Variants in RAB22A observed in about 807,000 individuals in gnomAD.
The protein encoded by RAB22A is RAB22A, member RAS oncogene family, also known as ras-related protein Rab-22A.
A neutral mutation model predicts 30.2 loss-of-function variants in RAB22A; 13 were observed. That is an observed-to-expected ratio of 0.43 (90% CI 0.28 to 0.68). RAB22A has a LOEUF of 0.68. Ranked by LOEUF, RAB22A falls within the 30% of genes least tolerant of loss-of-function variation. RAB22A has a pLI of 0.18. For missense variants in RAB22A, 177 were observed against 246.8 expected (o/e 0.72, Z 1.89); for synonymous variants, 89 against 87.2 (o/e 1.02, Z -0.11).
chr20:58,359,004 G>A (rs77313353), intron 6 of RAB22A, among the ~76,000 whole-genome samples: 2,442 of 152,136 alleles, frequency 0.016, 27 homozygotes, highest in Non-Finnish European at 0.02. Context: ...CATATGGTTT[G>A]CTTTATTTCT....
At chr20:58,320,230 C>A (rs1986425859) in intron 2 of RAB22A, among the ~76,000 whole-genome samples, 1 of 152,146 alleles carries the variant, frequency 6.6e-6, no homozygotes, top group Non-Finnish European at 1.5e-5. Context: ...AGGGAGTTTT[C>A]TTTGTCTGAA....
chr20:58,357,523 T>C lies in RAB22A; in HGVS notation c.488-2083T>C, dbSNP rs147022666. On this transcript the variant is annotated intron_variant, in intron 6 of 6. Coordinates refer to ENST00000244040, the MANE Select transcript of RAB22A (RefSeq NM_020673.3). ...CTGCATTAGGTTTTTGGTTGCTGTTTTAGAAATCATTACCTGTTCCCAGCT... is the reference window on the plus strand; with the variant it reads ...CTGCATTAGGTTTTTGGTTGCTGTTCTAGAAATCATTACCTGTTCCCAGCT... Among the ~76,000 whole-genome samples, 5 of 152,364 alleles carry C rather than the reference T, an allele frequency of 3.3e-5. No homozygotes were observed. In the East Asian group the frequency reaches 9.6e-4, roughly 29 times the overall value.
intron 2 of RAB22A, among the ~76,000 whole-genome samples, chr20:58,334,555 A>G (rs1986713108): frequency 6.6e-6 from 1 of 151,154 alleles, no homozygotes; most frequent in African/African-American, 2.4e-5. Flanking sequence ...TGGGATAGGG[A>G]CAGTAGTTAA....
rs1202762974 is a variant in RAB22A, at chr20:58,366,039, A to G, written c.*6336A>G. On this transcript the variant is annotated 3_prime_UTR_variant, in exon 7 of 7. Coordinates refer to ENST00000244040, the MANE Select transcript of RAB22A (RefSeq NM_020673.3). ...TTTTTTTTTAACTCTCATGCAGTTC[A>G]GTCTTTCCATCATTTCACTTTGTGA... The G allele has an allele frequency of 2.0e-5, 3 of 152,130 alleles. No individual in the cohort carries two copies. Among genetic ancestry groups the G allele is most frequent in the Non-Finnish European group, 4.4e-5 (3 of 68,028 alleles). 9.4% of individuals were successfully genotyped at this position (152,130 alleles called of 1,614,324 possible). A position where few individuals can be genotyped will look rare whatever the true frequency, so the allele number is the denominator to read the frequency against.
chr20:58,315,609 C>T (rs1256096980), intron 2 of RAB22A, among the ~76,000 whole-genome samples: 3 of 152,070 alleles, frequency 2.0e-5, no homozygotes, highest in African/African-American at 2.4e-5. Flanking sequence ...AGGAGAATTC[C>T]GTGACTCCAT....
Position 58,363,759 on chromosome 20 carries a change from T to C in RAB22A, c.*4056T>C, listed in dbSNP as rs1285361338. Reference sequence around the variant, plus strand: ...AACTGTATACCTGCCTCTAGTTAGCTTGGTTTATCAAAAGGATTTTTAAAT... The same window carrying C: ...AACTGTATACCTGCCTCTAGTTAGCCTGGTTTATCAAAAGGATTTTTAAAT... On this transcript the variant is annotated 3_prime_UTR_variant, in exon 7 of 7. Coordinates refer to ENST00000244040, the MANE Select transcript of RAB22A (RefSeq NM_020673.3). 1.3e-5 allele frequency: 2 copies of C among 152,232 alleles called. No homozygotes were observed. Among genetic ancestry groups the C allele is most frequent in the African/African-American group, 4.8e-5 (2 of 41,464 alleles). 9.4% of individuals were successfully genotyped at this position (152,232 alleles called of 1,614,324 possible).
At chr20:58,342,752 G>A (rs1350782432) in intron 2 of RAB22A, among the ~76,000 whole-genome samples, 2 of 152,140 alleles carry the variant, frequency 1.3e-5, no homozygotes, top group Non-Finnish European at 2.9e-5. Context: ...GCCAGACTGG[G>A]ATGCTTTGAG....
At chr20:58,324,798 C>T (rs1314374046) in intron 2 of RAB22A, among the ~76,000 whole-genome samples, 21 of 135,672 alleles carry the variant, frequency 1.5e-4, no homozygotes, top group African/African-American at 5.3e-4. Context: ...ACCGGGGAGT[C>T]GGAGGTTGCA....
At chr20:58,322,086 CCT>C (rs1328155793) in intron 2 of RAB22A, among the ~76,000 whole-genome samples, 2 of 152,208 alleles carry the variant, frequency 1.3e-5, no homozygotes, top group Non-Finnish European at 2.9e-5. Flanking sequence ...GCATGAGCCA[CCT>C]CACCGGGCGT....
intron 2 of RAB22A, among the ~76,000 whole-genome samples, chr20:58,321,609 A>C (rs1426082971): frequency 6.6e-6 from 1 of 152,188 alleles, no homozygotes; most frequent in Non-Finnish European, 1.5e-5. Flanking sequence ...TTGCAGTAAA[A>C]GAGTATTTGA....
intron 6 of RAB22A, among the ~76,000 whole-genome samples, chr20:58,354,792 C>G (rs901235820): frequency 6.6e-6 from 1 of 152,126 alleles, no homozygotes; most frequent in Non-Finnish European, 1.5e-5. Context: ...TCATTTCATT[C>G]AAATTCATCA....
chr20:58,317,174 G>A (rs577933389), intron 2 of RAB22A, among the ~76,000 whole-genome samples: 11 of 152,196 alleles, frequency 7.2e-5, no homozygotes, highest in Admixed American at 7.2e-4. Context: ...TCGGCTCACT[G>A]CAACCTCCGC....
chr20:58,362,416 G>A lies in RAB22A; in HGVS notation c.*2713G>A, dbSNP rs1276490317. The A allele has an allele frequency of 6.6e-6, 1 of 152,174 alleles. No individual in the cohort carries two copies. The highest frequency in any genetic ancestry group is 1.9e-4 in the East Asian group (1 of 5,200). 9.4% of individuals were successfully genotyped at this position (152,174 alleles called of 1,614,324 possible). ...GAAGAGGCTATATTTCAAAGGAATTGAGACATACTCCCATCTATAAACATG... is the reference window on the plus strand; with the variant it reads ...GAAGAGGCTATATTTCAAAGGAATTAAGACATACTCCCATCTATAAACATG... On this transcript the variant is annotated 3_prime_UTR_variant, in exon 7 of 7. Transcript: ENST00000244040.
intron 2 of RAB22A, among the ~76,000 whole-genome samples, chr20:58,321,631 T>C (rs1986462771): frequency 6.6e-6 from 1 of 152,252 alleles, no homozygotes; most frequent in South Asian, 2.1e-4. Context: ...GCAGCTCTAA[T>C]TAAAGATTTG....
intron 2 of RAB22A, among the ~76,000 whole-genome samples, chr20:58,340,968 C>G (rs1473124993): frequency 2.6e-5 from 4 of 151,968 alleles, no homozygotes; most frequent in Non-Finnish European, 4.4e-5. Context: ...AGACTTGAGA[C>G]CAGTTTGATG....
rs1028898458 is a variant in RAB22A, at chr20:58,363,847, T to C, written c.*4144T>C. The stretch of plus-strand genomic sequence containing the variant: ...TGCTGTGCTGTGATTTAAAAAAAAA[T>C]AGTCTAAGAAACAAATTTATCCATG... On this transcript the variant is annotated 3_prime_UTR_variant, in exon 7 of 7. Coordinates refer to ENST00000244040, the MANE Select transcript of RAB22A (RefSeq NM_020673.3). 4.6e-5 allele frequency: 7 copies of C among 152,258 alleles called. No homozygotes were observed. The highest frequency in any genetic ancestry group is 8.8e-5 in the Non-Finnish European group (6 of 68,038). 9.4% of individuals were successfully genotyped at this position (152,258 alleles called of 1,614,324 possible). A position where few individuals can be genotyped will look rare whatever the true frequency, so the allele number is the denominator to read the frequency against.
chr20:58,367,071 C>T lies in RAB22A; in HGVS notation c.*7368C>T, dbSNP rs147516529. On this transcript the variant is annotated 3_prime_UTR_variant, in exon 7 of 7. Transcript: ENST00000244040. ...AAATTCAGTTGCTTACAGTTTTGGCCGCTTTGTAGCACTATTATAAACAGC... is the reference window on the plus strand; with the variant it reads ...AAATTCAGTTGCTTACAGTTTTGGCTGCTTTGTAGCACTATTATAAACAGC... 1.4e-3 allele frequency: 213 copies of T among 152,734 alleles called. 1 individual carries two copies. Among genetic ancestry groups the T allele is most frequent in the African/African-American group, 4.9e-3 (202 of 41,558 alleles). 9.5% of individuals were successfully genotyped at this position (152,734 alleles called of 1,614,324 possible). A position where few individuals can be genotyped will look rare whatever the true frequency, so the allele number is the denominator to read the frequency against.
Position 58,337,428 on chromosome 20 carries a change from T to G in RAB22A, c.117-6290T>G, listed in dbSNP as rs571306578. 3.3e-5 allele frequency among the ~76,000 whole-genome samples: 5 copies of G among 152,272 alleles called. No homozygotes were observed. The East Asian group carries it at 9.7e-4, about 29-fold the overall frequency. The stretch of plus-strand genomic sequence containing the variant: ...TCACAAGATCCTCAATTTAATCACA[T>G]CGGGCAGGTCTCATTTGCCATTTAA... On this transcript the variant is annotated intron_variant, in intron 2 of 6. Transcript: ENST00000244040.
At chr20:58,348,383 T>C (rs1023165409) in intron 3 of RAB22A, among the ~76,000 whole-genome samples, 1 of 152,172 alleles carries the variant, frequency 6.6e-6, no homozygotes, top group Non-Finnish European at 1.5e-5. Context: ...ACAGTAGTCA[T>C]GTAAGGAATT....
Sources: allele counts gnomAD v4.1 joint callset (sites outside exome capture counted in the v4.1 genomes callset), GRCh38; gene constraint gnomAD v4.1.1; transcripts MANE v1.5; gene names NCBI Gene and HGNC (gene_info 2026-07-23, HGNC 2026-07-21).